The following ADAMTS12 variants were observed in gnomAD, a reference collection of about 807,000 sequenced individuals.
The protein encoded by ADAMTS12 is A disintegrin and metalloproteinase with thrombospondin motifs 12.
In ADAMTS12, 118 loss-of-function variants were observed where a neutral mutation model predicts 167.8. That is an observed-to-expected ratio of 0.70 (90% confidence interval 0.61 to 0.82). The LOEUF (loss-of-function observed/expected upper bound fraction) is 0.82, where lower values mean the gene tolerates loss of function less well. Ranked by LOEUF, ADAMTS12 falls within the 40% of genes least tolerant of loss-of-function variation. ADAMTS12 has a pLI of 0.00. For missense variants in ADAMTS12, 1,916 were observed against 1,998.8 expected (o/e 0.96, Z 0.79); for synonymous variants, 704 against 716.9 (o/e 0.98, Z 0.29).
rs148042087 is a variant in ADAMTS12, at chr5:33,826,944, A to G, written c.489+54175T>C. 1.4e-3 allele frequency among the ~76,000 whole-genome samples: 212 copies of G among 152,212 alleles called. 2 individuals are homozygous for G. Among genetic ancestry groups the G allele is most frequent in the African/African-American group, 4.7e-3 (194 of 41,554 alleles). ...AAATACCAAATTGGAGTCTATAATA[A>G]GCTTTAGTCATGTACTGACTTTATG... On this transcript the variant is annotated intron_variant, in intron 2 of 23. Coordinates refer to ENST00000504830, the MANE Select transcript of ADAMTS12 (RefSeq NM_030955.4).
chr5:33,528,519 G>C (rs1338627249), intron 23 of ADAMTS12, among the ~76,000 whole-genome samples: 1 of 152,232 alleles, frequency 6.6e-6, no homozygotes, highest in African/African-American at 2.4e-5. Flanking sequence ...GTTGAATGCA[G>C]TGTCTTCCAT....
chr5:33,624,262 C>G lies in ADAMTS12; in HGVS notation c.2112G>C (p.Val704=). The change falls in exon 14 of 24, where the codon GTG becomes GTC. Residue 704 remains valine, a synonymous_variant. Transcript: ENST00000504830. ...CLGDGSSCQT[V]RKMFKQKEGS... Reference sequence around the variant, plus strand: ...CTTCCTTCTGCTTAAACATCTTTCTCACAGTCTGGCAGGAAGAGCCATCTC... The same window carrying G: ...CTTCCTTCTGCTTAAACATCTTTCTGACAGTCTGGCAGGAAGAGCCATCTC... The G allele has an allele frequency of 6.2e-7, 1 of 1,614,116 alleles. No individual in the cohort carries two copies. Among genetic ancestry groups the G allele is most frequent in the African/African-American group, 1.3e-5 (1 of 75,048 alleles).
Position 33,803,181 on chromosome 5 carries a change from T to C in ADAMTS12, c.490-51633A>G, listed in dbSNP as rs189106226. Among the ~76,000 whole-genome samples the C allele has an allele frequency of 2.6e-5, 4 of 152,124 alleles. No homozygotes were observed. In the East Asian group the frequency reaches 7.7e-4, roughly 29 times the overall value. On this transcript the variant is annotated intron_variant, in intron 2 of 23. Coordinates refer to ENST00000504830, the MANE Select transcript of ADAMTS12 (RefSeq NM_030955.4). ...GGATTGCTTTTGAATTTCTCCAAACTCGCCCATAAAAGCAGACAGACAAAC... is the reference window on the plus strand; with the variant it reads ...GGATTGCTTTTGAATTTCTCCAAACCCGCCCATAAAAGCAGACAGACAAAC...
chr5:33,777,674 C>G (rs1031430854), intron 2 of ADAMTS12, among the ~76,000 whole-genome samples: 3 of 151,904 alleles, frequency 2.0e-5, no homozygotes, highest in African/African-American at 7.3e-5. Flanking sequence ...AAGTCATAGC[C>G]AGAGCAGTTA....
At chr5:33,826,017 C>A (rs148966493) in intron 2 of ADAMTS12, among the ~76,000 whole-genome samples, 1 of 152,050 alleles carries the variant, frequency 6.6e-6, no homozygotes, top group East Asian at 1.9e-4. Context: ...GTTGAACAGG[C>A]GGTACACATC....
chr5:33,570,408 C>A (rs1746263873), intron 19 of ADAMTS12, among the ~76,000 whole-genome samples: 2 of 152,186 alleles, frequency 1.3e-5, no homozygotes, highest in South Asian at 4.1e-4. Context: ...TCGGCAGAAA[C>A]TCTACAAGCC....
intron 1 of ADAMTS12, among the ~76,000 whole-genome samples, chr5:33,884,758 C>A (rs182061472): frequency 5.3e-5 from 8 of 152,312 alleles, no homozygotes; most frequent in Admixed American, 2.6e-4. Flanking sequence ...GAAAATTAAT[C>A]TTTTCTTTCT....
chr5:33,888,387 A>T (rs1476370928), intron 1 of ADAMTS12, among the ~76,000 whole-genome samples: 1 of 152,228 alleles, frequency 6.6e-6, no homozygotes, highest in East Asian at 1.9e-4. Flanking sequence ...ATTGTAAAGT[A>T]TGCCACAGAA....
chr5:33,862,248 T>C (rs1208472026), intron 2 of ADAMTS12, among the ~76,000 whole-genome samples: 1 of 152,176 alleles, frequency 6.6e-6, no homozygotes, highest in Admixed American at 6.5e-5. Context: ...GAGCTGATTT[T>C]TTGAAAAGAT....
In ADAMTS12 at chr5:33,630,910, T is replaced by A. The variant is rs140814200; in HGVS notation, c.1892A>T (p.His631Leu). 13 of 1,612,366 alleles carry A rather than the reference T, an allele frequency of 8.1e-6. No homozygotes were observed. Among genetic ancestry groups the A allele is most frequent in the African/African-American group, 1.3e-5 (1 of 74,866 alleles). ...YHWFPIFNPAHPCELYCRPID... is the reference protein window; with the variant it reads ...YHWFPIFNPALPCELYCRPID... Reference sequence around the variant, plus strand: ...GGGTCGGCAGTAGAGCTCACAAGGATGTGCTGAAGGGAAAAAAGAAGGCAA... The same window carrying A: ...GGGTCGGCAGTAGAGCTCACAAGGAAGTGCTGAAGGGAAAAAAGAAGGCAA... Residue 631 changes from histidine (H) to leucine (L), a missense_variant, in exon 13 of 24, where the codon CAT becomes CTT. Coordinates refer to ENST00000504830, the MANE Select transcript of ADAMTS12 (RefSeq NM_030955.4).
chr5:33,580,092 C>T (rs1045742102), intron 18 of ADAMTS12, among the ~76,000 whole-genome samples: 1 of 152,174 alleles, frequency 6.6e-6, no homozygotes, highest in Non-Finnish European at 1.5e-5. Flanking sequence ...TTCAAATTTA[C>T]CAATAACAAG....
chr5:33,734,390 G>C (rs1744295701), intron 3 of ADAMTS12, among the ~76,000 whole-genome samples: 1 of 152,178 alleles, frequency 6.6e-6, no homozygotes, highest in Non-Finnish European at 1.5e-5. Flanking sequence ...AAGAAGAGCA[G>C]TAACATTAGC....
intron 7 of ADAMTS12, among the ~76,000 whole-genome samples, chr5:33,653,384 T>G (rs1740936259): frequency 6.6e-6 from 1 of 152,170 alleles, no homozygotes; most frequent in South Asian, 2.1e-4. Flanking sequence ...TTGTGTCTAA[T>G]TCTTTTTTTC....
chr5:33,727,199 C>A (rs1226164248), intron 3 of ADAMTS12, among the ~76,000 whole-genome samples: 1 of 152,062 alleles, frequency 6.6e-6, no homozygotes, highest in Non-Finnish European at 1.5e-5. Flanking sequence ...CTGTGGCTGC[C>A]GCTGGACCTG....
At chr5:33,673,849 G>T (rs12657847) in intron 5 of ADAMTS12, among the ~76,000 whole-genome samples, 1 of 152,080 alleles carries the variant, frequency 6.6e-6, no homozygotes, top group African/African-American at 2.4e-5. Flanking sequence ...TTCCTAGATT[G>T]TCTTTTTCTC....
At chr5:33,557,611 C>T (rs746080401) in intron 20 of ADAMTS12, among the ~76,000 whole-genome samples, 27 of 152,020 alleles carry the variant, frequency 1.8e-4, no homozygotes, top group Non-Finnish European at 2.2e-4. Context: ...GCTTAGGTGA[C>T]AAAGTGAGAC....
chr5:33,528,298 G>T (rs184134736), intron 23 of ADAMTS12, among the ~76,000 whole-genome samples: 1 of 152,214 alleles, frequency 6.6e-6, no homozygotes, highest in African/African-American at 2.4e-5. Context: ...AGGAATAAAA[G>T]ACTACATATT....
At chr5:33,570,665 AG>A (rs1746283764) in intron 19 of ADAMTS12, among the ~76,000 whole-genome samples, 1 of 152,208 alleles carries the variant, frequency 6.6e-6, no homozygotes, top group Non-Finnish European at 1.5e-5. Flanking sequence ...AAGACCATCG[AG>A]ATTAGGAAGA....
chr5:33,696,719 G>A (rs1249802357), intron 3 of ADAMTS12, among the ~76,000 whole-genome samples: 2 of 152,148 alleles, frequency 1.3e-5, no homozygotes, highest in African/African-American at 4.8e-5. Context: ...GAAAAACTAT[G>A]TAAAGGCTCA....
Sources: allele counts gnomAD v4.1 joint callset (sites outside exome capture counted in the v4.1 genomes callset), GRCh38; gene constraint gnomAD v4.1.1; transcripts MANE v1.5; gene names NCBI Gene and HGNC (gene_info 2026-07-23, HGNC 2026-07-21).